GALNT13: variants seen among roughly 807,000 people sequenced by gnomAD.
The protein encoded by GALNT13 is UDP-GalNAc:polypeptide N-acetylgalactosaminyltransferase 13.
In GALNT13, 28 loss-of-function variants were observed where a neutral mutation model predicts 64.2. The observed-to-expected ratio is 0.44, with a 90% CI of 0.32 to 0.60. GALNT13 has a LOEUF of 0.60. Among genes scored for constraint, GALNT13 ranks in the 20% least tolerant of loss-of-function variants. The pLI is 0.05. For missense variants in GALNT13, 577 were observed against 669.8 expected, an observed-to-expected ratio of 0.86 and a Z score of 1.53; for synonymous variants, 214 against 224.6, an observed-to-expected ratio of 0.95 and a Z score of 0.42.
chr2:153,686,432 A>T, the GALNT13 span, among the ~76,000 whole-genome samples: 1 of 151,764 alleles, frequency 6.6e-6, no homozygotes, highest in Non-Finnish European at 1.5e-5. Context: ...TTCATTCCCG[A>T]TTTGGCTCTC....
At chr2:153,379,355 T>G in the GALNT13 span, among the ~76,000 whole-genome samples, 1 of 152,112 alleles carries the variant, frequency 6.6e-6, no homozygotes, top group African/African-American at 2.4e-5. Context: ...TTAAAGAGGG[T>G]TGGAGACCAT....
chr2:153,390,984 A>G, the GALNT13 span, among the ~76,000 whole-genome samples: 1 of 152,080 alleles, frequency 6.6e-6, no homozygotes, highest in Non-Finnish European at 1.5e-5. Flanking sequence ...ATTGGGGGCA[A>G]TTTTAAACAG....
At chr2:154,275,139 G>C (rs868473813) in intron 8 of GALNT13, among the ~76,000 whole-genome samples, 3 of 152,152 alleles carry the variant, frequency 2.0e-5, no homozygotes, top group African/African-American at 4.8e-5. Context: ...GAGCCTAAAA[G>C]TTTGGAAAAT....
At chr2:153,525,318 C>A in the GALNT13 span, among the ~76,000 whole-genome samples, 1 of 152,194 alleles carries the variant, frequency 6.6e-6, no homozygotes, top group Non-Finnish European at 1.5e-5. Flanking sequence ...CAGCACATTT[C>A]CAGCTGTGGT....
At chr2:153,398,593 T>C in the GALNT13 span, among the ~76,000 whole-genome samples, 18 of 152,276 alleles carry the variant, frequency 1.2e-4, no homozygotes, top group Admixed American at 9.2e-4. Flanking sequence ...TGTTGTTTCC[T>C]GACTTTTTAA....
the GALNT13 span, among the ~76,000 whole-genome samples, chr2:153,648,610 T>A: frequency 1.1e-3 from 174 of 151,936 alleles, 1 homozygote; most frequent in Non-Finnish European, 1.8e-3. Context: ...GTTTGTCATA[T>A]ATAGCTCTTA....
chr2:153,503,516 C>T, the GALNT13 span, among the ~76,000 whole-genome samples: 1 of 152,274 alleles, frequency 6.6e-6, no homozygotes, highest in South Asian at 2.1e-4. Flanking sequence ...TCTCAGCTCA[C>T]TGCAACCTCT....
At chr2:153,886,214 T>C (rs1400971211) in intron 1 of GALNT13, among the ~76,000 whole-genome samples, 1 of 151,876 alleles carries the variant, frequency 6.6e-6, no homozygotes, top group African/African-American at 2.4e-5. Flanking sequence ...AGGCACTCTT[T>C]TTTTTTTAAA....
chr2:153,104,391 T>C, the GALNT13 span, among the ~76,000 whole-genome samples: 1 of 152,108 alleles, frequency 6.6e-6, no homozygotes, highest in African/African-American at 2.4e-5. Flanking sequence ...TTAGAATTTG[T>C]AAAAAAATTT....
the GALNT13 span, among the ~76,000 whole-genome samples, chr2:153,822,327 C>G: frequency 6.6e-6 from 1 of 152,058 alleles, no homozygotes; most frequent in African/African-American, 2.4e-5. Flanking sequence ...ATGCCAAAAT[C>G]CTCAGCAAAA....
chr2:153,418,837 G>A, the GALNT13 span, among the ~76,000 whole-genome samples: 5 of 152,128 alleles, frequency 3.3e-5, no homozygotes, highest in Admixed American at 1.3e-4. Context: ...CAGCCTGGGC[G>A]ATAGAGCCAG....
At chr2:153,553,770 C>T in the GALNT13 span, among the ~76,000 whole-genome samples, 1 of 152,150 alleles carries the variant, frequency 6.6e-6, no homozygotes, top group African/African-American at 2.4e-5. Flanking sequence ...AGAAGCAACA[C>T]TTGAGGGGGC....
At chr2:153,950,008 T>C (rs377570167) in intron 3 of GALNT13, among the ~76,000 whole-genome samples, 1 of 151,928 alleles carries the variant, frequency 6.6e-6, no homozygotes, top group African/African-American at 2.4e-5. Context: ...CAGAAAAATA[T>C]TTAGACATCT....
chr2:153,174,571 T>C, the GALNT13 span, among the ~76,000 whole-genome samples: 2 of 152,096 alleles, frequency 1.3e-5, no homozygotes, highest in Admixed American at 1.3e-4. Context: ...ATCCCTTTCC[T>C]CTTGTATTTT....
chr2:153,428,946 C>T, the GALNT13 span, among the ~76,000 whole-genome samples: 1 of 152,150 alleles, frequency 6.6e-6, no homozygotes, highest in Non-Finnish European at 1.5e-5. Flanking sequence ...AAGTAGGCAA[C>T]ATTCTTGTCC....
At chr2:153,999,658 G>A (rs1231355473) in intron 3 of GALNT13, among the ~76,000 whole-genome samples, 1 of 151,964 alleles carries the variant, frequency 6.6e-6, no homozygotes, top group East Asian at 1.9e-4. Flanking sequence ...TCATCCCTGG[G>A]ATGAATCCCA....
At chr2:154,237,444 C>G (rs965924571) in intron 4 of GALNT13, among the ~76,000 whole-genome samples, 3 of 150,018 alleles carry the variant, frequency 2.0e-5, no homozygotes, top group Non-Finnish European at 3.0e-5. Flanking sequence ...TCATTTGTTC[C>G]TTGTTCATGT....
At chr2:153,672,590 A>T in the GALNT13 span, among the ~76,000 whole-genome samples, 1 of 152,192 alleles carries the variant, frequency 6.6e-6, no homozygotes, top group Non-Finnish European at 1.5e-5. Context: ...AATGCCCACA[A>T]GAGAAAGCAG....
chr2:154,250,241 C>A (rs1335208595), intron 7 of GALNT13, among the ~76,000 whole-genome samples: 2 of 151,850 alleles, frequency 1.3e-5, no homozygotes, highest in African/African-American at 4.8e-5. Flanking sequence ...GTGACAAGTA[C>A]CCAAAAGGAT....
Sources: gnomAD v4.1 joint callset for allele counts (sites outside exome capture counted in the v4.1 genomes callset) on GRCh38, gnomAD v4.1.1 for gene constraint, MANE v1.5 for transcripts, NCBI Gene and HGNC (gene_info 2026-07-23, HGNC 2026-07-21) for gene names.